Variants in CDK13 observed in about 807,000 individuals in gnomAD.
CDK13 encodes cyclin dependent kinase 13.
In CDK13, 40 loss-of-function variants were observed where a neutral mutation model predicts 137.6. The observed-to-expected ratio is 0.29, with a 90% CI of 0.23 to 0.38. The LOEUF (loss-of-function observed/expected upper bound fraction) is 0.38, where lower values mean the gene tolerates loss of function less well. CDK13 is among the 10% of genes least tolerant of loss of function. The pLI is 1.00. For synonymous variants in CDK13, 869 were observed against 760.1 expected (o/e 1.14, Z -2.36); for missense variants, 1,704 against 1,951.8 (o/e 0.87, Z 2.39).
At chr7:40,083,862 CAA>C (rs973489430) in intron 11 of CDK13, among the ~76,000 whole-genome samples, 8 of 151,964 alleles carry the variant, frequency 5.3e-5, no homozygotes, top group African/African-American at 1.7e-4. Flanking sequence ...ATTTTATAAA[CAA>C]TATAATATAA....
chr7:40,046,106 G>C (rs989297298), intron 6 of CDK13, 81 bp downstream of exon 6: 3 of 915,156 alleles, frequency 3.3e-6, no homozygotes, highest in Non-Finnish European at 5.0e-6. Flanking sequence ...GGAAACCGTA[G>C]CGGCGGGGAA....
chr7:39,970,381 A>G (rs1363887773), intron 1 of CDK13, among the ~76,000 whole-genome samples: 1 of 152,106 alleles, frequency 6.6e-6, no homozygotes, highest in East Asian at 1.9e-4. Flanking sequence ...TATAATGTGC[A>G]TGTTTCTCAG....
intron 1 of CDK13, among the ~76,000 whole-genome samples, chr7:39,962,437 T>C (rs552714893): frequency 6.6e-6 from 1 of 152,240 alleles, no homozygotes; most frequent in East Asian, 1.9e-4. Context: ...ATGTCTTCTT[T>C]CGAGAAGTGT....
chr7:39,957,326 C>G (rs902824796), intron 1 of CDK13, among the ~76,000 whole-genome samples: 11 of 89,534 alleles, frequency 1.2e-4, no homozygotes, highest in African/African-American at 3.3e-4. Flanking sequence ...CCCCACAGCA[C>G]TTTATCTTTG....
At chr7:39,979,622 C>G (rs758356840) in intron 1 of CDK13, among the ~76,000 whole-genome samples, 1 of 151,916 alleles carries the variant, frequency 6.6e-6, no homozygotes, top group South Asian at 2.1e-4. Context: ...TGTGGTAGGC[C>G]GAATAATACT....
intron 7 of CDK13, chr7:40,059,220 A>C (rs1786086605): frequency 6.6e-6 from 1 of 152,246 alleles, no homozygotes. Context: ...GCCAAGGGGC[A>C]CACTCCTTAT....
chr7:39,976,323 T>TCTCTCTCTCTCTCTCTCTCTCA lies in CDK13; in HGVS notation c.1212-11275_1212-11274insTCTCTCTCTCTCTCTCTCTCAC. Among the ~76,000 whole-genome samples, 43 of 39,580 alleles carry TCTCTCTCTCTCTCTCTCTCTCA rather than the reference T, an allele frequency of 1.1e-3. 2 individuals are homozygous for TCTCTCTCTCTCTCTCTCTCTCA. Among genetic ancestry groups the TCTCTCTCTCTCTCTCTCTCTCA allele is most frequent in the East Asian group, 2.8e-3 (4 of 1,414 alleles). 26.0% of individuals were successfully genotyped at this position (39,580 alleles called of 152,430 possible). A position where few individuals can be genotyped will look rare whatever the true frequency, so the allele number is the denominator to read the frequency against. ...CTCTCTCTCTCTCTCTCTCTCTCTC[T>TCTCTCTCTCTCTCTCTCTCTCA]CACACACACACACACACACACACAC... On this transcript the variant is annotated intron_variant, in intron 1 of 13. Transcript: ENST00000181839.
rs551677503 is a variant in CDK13, at chr7:39,989,670, A to G, written c.1871+1412A>G. Among the ~76,000 whole-genome samples the G allele has an allele frequency of 2.0e-5, 3 of 152,280 alleles. No individual in the cohort carries two copies. In the South Asian group the frequency reaches 6.2e-4, roughly 32 times the overall value. On this transcript the variant is annotated intron_variant, in intron 2 of 13. Transcript: ENST00000181839. The stretch of plus-strand genomic sequence containing the variant: ...TCTCAGGGAACGCTGAAGGTTCATA[A>G]CAGTAGTGATTTGTAATTGTGAGGC...
chr7:39,988,083 A>C lies in CDK13; in HGVS notation c.1696A>C (p.Lys566Gln). 6.2e-7 allele frequency: 1 copy of C among 1,614,168 alleles called. No individual in the cohort carries two copies. Among genetic ancestry groups the C allele is most frequent in the Non-Finnish European group, 8.5e-7 (1 of 1,180,026 alleles). ...CACCAAGAAAGCAGTCATAGTTGGA[A>C]AGGAGAGTAAATCTGCTGCTACAAA... ...KATKKAVIVG[K>Q]ESKSAATKEE... is the part of the protein sequence containing the mutation. Residue 566 changes from lysine to glutamine, a missense_variant, in exon 2 of 14, where the codon AAG (lysine) becomes CAG (glutamine). Physicochemically the swap from Lys to Gln is moderately conservative, Grantham distance 53. Coordinates refer to ENST00000181839, the MANE Select transcript of CDK13 (RefSeq NM_003718.5).
chr7:40,000,719 A>T (rs1201407713), intron 4 of CDK13, among the ~76,000 whole-genome samples: 1 of 152,252 alleles, frequency 6.6e-6, no homozygotes, highest in East Asian at 1.9e-4. Flanking sequence ...GTTAAGTAAA[A>T]CGGACTCATA....
chr7:40,080,699 T>A (rs1265371039), intron 11 of CDK13, among the ~76,000 whole-genome samples: 1 of 152,198 alleles, frequency 6.6e-6, no homozygotes, highest in Non-Finnish European at 1.5e-5. Flanking sequence ...TTTGGAAAAA[T>A]TTCAACTCTA....
At chr7:39,997,735 C>T (rs1422968429) in intron 3 of CDK13, 71 bp downstream of exon 3, 31 of 1,125,714 alleles carry the variant, frequency 2.8e-5, no homozygotes, top group Non-Finnish European at 3.9e-5. Flanking sequence ...GTTCATAAAA[C>T]ACTAAATTAA....
At chr7:39,966,469 T>G (rs1018750067) in intron 1 of CDK13, among the ~76,000 whole-genome samples, 1 of 152,228 alleles carries the variant, frequency 6.6e-6, no homozygotes, top group Non-Finnish European at 1.5e-5. Flanking sequence ...TCAGGTCCTT[T>G]AAGGACTTCT....
intron 12 of CDK13, among the ~76,000 whole-genome samples, chr7:40,089,086 T>G (rs1257517558): frequency 2.5e-5 from 3 of 118,342 alleles, no homozygotes; most frequent in Non-Finnish European, 3.6e-5. Context: ...TCTCAAAATA[T>G]GTGTGTGTGT....
At chr7:40,057,507 G>A (rs1045991873) in intron 7 of CDK13, among the ~76,000 whole-genome samples, 6 of 152,264 alleles carry the variant, frequency 3.9e-5, no homozygotes, top group African/African-American at 9.6e-5. Flanking sequence ...GAGAGCACTT[G>A]GTCATGTGGC....
intron 5 of CDK13, among the ~76,000 whole-genome samples, chr7:40,045,435 T>A (rs1584032727): frequency 1.0e-5 from 1 of 95,308 alleles, no homozygotes; most frequent in Non-Finnish European, 1.7e-5. Flanking sequence ...CTGTACTCTT[T>A]TTTTTTTTTT....
intron 1 of CDK13, among the ~76,000 whole-genome samples, chr7:39,962,822 A>T (rs1783780093): frequency 6.6e-6 from 1 of 152,220 alleles, no homozygotes; most frequent in Non-Finnish European, 1.5e-5. Context: ...GAAGGAATCC[A>T]GTTTCAGCTT....
intron 9 of CDK13, chr7:40,066,722 C>A (rs1455175439): frequency 6.6e-6 from 1 of 152,082 alleles, no homozygotes; most frequent in African/African-American, 2.4e-5. Flanking sequence ...AACTAAAAAT[C>A]CTTGATGATG....
At chr7:39,978,725 G>T (rs530233308) in intron 1 of CDK13, among the ~76,000 whole-genome samples, 12 of 152,302 alleles carry the variant, frequency 7.9e-5, no homozygotes, top group African/African-American at 2.9e-4. Flanking sequence ...GTAGGTCTGG[G>T]CTGGAGTCTG....
Sources: allele counts gnomAD v4.1 joint callset (sites outside exome capture counted in the v4.1 genomes callset), GRCh38; gene constraint gnomAD v4.1.1; transcripts MANE v1.5; gene names NCBI Gene and HGNC (gene_info 2026-07-23, HGNC 2026-07-21).